GIMAP4: variants seen among roughly 807,000 people sequenced by gnomAD.
GIMAP4 encodes the protein GTPase IMAP family member 4.
Under a neutral mutation model 10.8 loss-of-function variants are expected in GIMAP4, and 12 were observed. That is an observed-to-expected ratio of 1.11 (90% CI 0.71 to 1.81). GIMAP4 has a LOEUF of 1.81. Among genes scored for constraint, GIMAP4 ranks in the 40% most tolerant of loss-of-function variants. GIMAP4 has a pLI of 0.00. For missense variants in GIMAP4, 412 were observed against 404.6 expected (o/e 1.02, Z -0.16); for synonymous variants, 149 against 147.2 (o/e 1.01, Z -0.09).
chr7:150,569,614 C>G (rs1216980185), intron 1 of GIMAP4, among the ~76,000 whole-genome samples: 2 of 152,066 alleles, frequency 1.3e-5, no homozygotes, highest in African/African-American at 4.8e-5. Flanking sequence ...CTCATATAAA[C>G]ACATCCAAGC....
At chr7:150,567,740 A>G (rs563411693) in intron 1 of GIMAP4, among the ~76,000 whole-genome samples, 1 of 152,266 alleles carries the variant, frequency 6.6e-6, no homozygotes, top group Admixed American at 6.5e-5. Context: ...GGGTGAGCGG[A>G]CAGAATTAGC....
intron 1 of GIMAP4, among the ~76,000 whole-genome samples, chr7:150,569,643 G>C (rs79328967): frequency 2.0e-5 from 3 of 152,182 alleles, no homozygotes; most frequent in Admixed American, 6.5e-5. Context: ...TCTAGATAGA[G>C]GGGGGAAGGG....
At chr7:150,567,871 C>G (rs890902235) in intron 1 of GIMAP4, among the ~76,000 whole-genome samples, 4 of 152,186 alleles carry the variant, frequency 2.6e-5, no homozygotes, top group African/African-American at 9.7e-5. Flanking sequence ...GGTCTTGTTA[C>G]AGGGTTAACT....
rs761355306 is a variant in GIMAP4 at position 150,572,673 on chromosome 7, G to A, written c.603G>A (p.Gln201=). The A allele has an allele frequency of 2.5e-6, 4 of 1,614,238 alleles. No homozygotes were observed. Among genetic ancestry groups the A allele is most frequent in the Non-Finnish European group, 3.4e-6 (4 of 1,180,036 alleles). Residue 201 remains glutamine, a synonymous_variant, in exon 3 of 3, where the codon CAG becomes CAA. Transcript: ENST00000255945. The part of the protein sequence containing the change: ...NKATGAEQEA[Q]RAQLLGLIQR... ...CAACAGGCGCTGAGCAGGAGGCCCA[G>A]AGGGCACAGTTGCTGGGCCTGATCC...
chr7:150,569,334 T>C (rs907588240), intron 1 of GIMAP4, among the ~76,000 whole-genome samples: 2 of 152,048 alleles, frequency 1.3e-5, no homozygotes, highest in Non-Finnish European at 2.9e-5. Flanking sequence ...CAATAGGATT[T>C]GGTGATGGGC....
chr7:150,570,917 A>G (rs1356331008), intron 2 of GIMAP4, among the ~76,000 whole-genome samples: 1 of 152,196 alleles, frequency 6.6e-6, no homozygotes, highest in East Asian at 1.9e-4. Context: ...GCCCACCCAG[A>G]TTCAACAGTT....
rs771700296 is a variant in GIMAP4, at chr7:150,572,837, G to A, written c.767G>A (p.Arg256Lys). The A allele has an allele frequency of 6.2e-7, 1 of 1,613,868 alleles. No individual in the cohort carries two copies. Among genetic ancestry groups the A allele is most frequent in the Non-Finnish European group, 8.5e-7 (1 of 1,179,868 alleles). The change falls in exon 3 of 3, where the codon AGA becomes AAA. Residue 256 changes from arginine (R) to lysine (K), a missense_variant. By Grantham distance (26) the Arg-to-Lys change is conservative. Transcript: ENST00000255945. ...CTGGAGAGAGAGAAAGCGCGGATAA[G>A]AGAGGAGTATGAAGAGAAAATCAGA... ...VELEREKARIREEYEEKIRKL... is the reference protein window; with the variant it reads ...VELEREKARIKEEYEEKIRKL...
At chr7:150,569,260 A>C (rs552732191) in intron 1 of GIMAP4, among the ~76,000 whole-genome samples, 195 of 152,364 alleles carry the variant, frequency 1.3e-3, no homozygotes, top group Middle Eastern at 6.8e-3. Context: ...TACAATTGAC[A>C]GTGGGTTGTA....
intron 1 of GIMAP4, among the ~76,000 whole-genome samples, chr7:150,568,252 C>T (rs1221022524): frequency 6.6e-6 from 1 of 152,222 alleles, no homozygotes; most frequent in Non-Finnish European, 1.5e-5. Flanking sequence ...TCTCTCCTAA[C>T]ACCAGCCACC....
chr7:150,571,882 T>G (rs1415023955), intron 2 of GIMAP4, among the ~76,000 whole-genome samples: 1 of 152,102 alleles, frequency 6.6e-6, no homozygotes, highest in Non-Finnish European at 1.5e-5. Flanking sequence ...CTACAAAAGG[T>G]CAGACTGAGA....
At position 150,569,348 on chromosome 7, in the gene GIMAP4, TGAGA is replaced by T. The variant is rs931887405; in HGVS notation, c.-14-532_-14-529del. ...TCAATAGGATTTGGTGATGGGCTGA[TGAGA>T]GAGAGAGGATAAAAGAGTTGTAGAT... On this transcript the variant is annotated intron_variant, in intron 1 of 2. Coordinates refer to ENST00000255945, the MANE Select transcript of GIMAP4 (RefSeq NM_018326.3). 3.3e-5 allele frequency among the ~76,000 whole-genome samples: 5 copies of T among 152,076 alleles called. No individual in the cohort carries two copies. In the South Asian group the frequency reaches 8.3e-4, roughly 25 times the overall value.
chr7:150,571,918 G>A (rs1795733044), intron 2 of GIMAP4, among the ~76,000 whole-genome samples: 1 of 152,212 alleles, frequency 6.6e-6, no homozygotes, highest in Non-Finnish European at 1.5e-5. Context: ...TAAAAAGCAA[G>A]ATTGAAGATA....
intron 1 of GIMAP4, among the ~76,000 whole-genome samples, chr7:150,568,720 A>C (rs1328758649): frequency 6.6e-6 from 1 of 152,226 alleles, no homozygotes; most frequent in Non-Finnish European, 1.5e-5. Context: ...TCCCCAGGGA[A>C]TAATGAGAAA....
In GIMAP4 at chr7:150,572,533, C is replaced by T. The variant is rs200682848; in HGVS notation, c.463C>T (p.Arg155Trp). 23 of 1,613,932 alleles carry T rather than the reference C, an allele frequency of 1.4e-5. No homozygotes were observed. The South Asian group carries it at 1.6e-4, about 12-fold the overall frequency. Residue 155 changes from arginine (R) to tryptophan (W), a missense_variant, in exon 3 of 3, where the codon CGG (arginine) becomes TGG (tryptophan). Physicochemically the swap from Arg to Trp is moderately radical, Grantham distance 101. Coordinates refer to ENST00000255945, the MANE Select transcript of GIMAP4 (RefSeq NM_018326.3). The part of the protein sequence containing the change: ...ARSFMILIFT[R>W]KDDLGDTNLH... Reference sequence around the variant, plus strand: ...AAGTTTCATGATTCTCATATTCACCCGGAAAGATGACTTAGGTGACACCAA... The same window carrying T: ...AAGTTTCATGATTCTCATATTCACCTGGAAAGATGACTTAGGTGACACCAA...
At chr7:150,570,024 T>A in intron 2 of GIMAP4, 65 bp downstream of exon 2, 1 of 813,150 alleles carries the variant, frequency 1.2e-6, no homozygotes, top group Admixed American at 2.0e-5. Flanking sequence ...GGGTGGGGGA[T>A]TTGGGGGGGA....
At position 150,573,246 on chromosome 7, in the gene GIMAP4, A is replaced by G; in HGVS notation, c.*186A>G. 1 of 552,090 alleles carries G rather than the reference A, an allele frequency of 1.8e-6. No individual in the cohort carries two copies. The highest frequency in any genetic ancestry group is 2.4e-5 in the South Asian group (1 of 41,426). 34.2% of individuals were successfully genotyped at this position (552,090 alleles called of 1,614,324 possible). A position where few individuals can be genotyped will look rare whatever the true frequency, so the allele number is the denominator to read the frequency against. ...GAGGGACAAATTTTCAATTTGTGAA[A>G]CTCCAAAGCAGAAAGTATTGGTGCT... On this transcript the variant is annotated 3_prime_UTR_variant, in exon 3 of 3. Transcript: ENST00000255945.
At chr7:150,570,768 A>G (rs550024468) in intron 2 of GIMAP4, among the ~76,000 whole-genome samples, 3 of 152,206 alleles carry the variant, frequency 2.0e-5, no homozygotes, top group Admixed American at 2.0e-4. Flanking sequence ...GTTATCATCA[A>G]GAAGGCTAGT....
intron 1 of GIMAP4, 147 bp from the exon 2 acceptor site, chr7:150,569,741 G>A (rs1012494992): frequency 5.1e-6 from 3 of 590,806 alleles, no homozygotes; most frequent in African/African-American, 1.9e-5. Context: ...AAAATGGAGG[G>A]TTGAGGAGAC....
At chr7:150,571,563 C>G (rs1412118598) in intron 2 of GIMAP4, among the ~76,000 whole-genome samples, 2 of 152,142 alleles carry the variant, frequency 1.3e-5, no homozygotes, top group Admixed American at 6.5e-5. Context: ...GGTGGATCAT[C>G]TGAGGTCAGC....
Sources: gnomAD v4.1 joint callset for allele counts (sites outside exome capture counted in the v4.1 genomes callset) on GRCh38, gnomAD v4.1.1 for gene constraint, MANE v1.5 for transcripts, NCBI Gene and HGNC (gene_info 2026-07-23, HGNC 2026-07-21) for gene names.